The following UQCC1 variants were observed in gnomAD, a reference collection of about 807,000 sequenced individuals.
The protein encoded by UQCC1 is ubiquinol-cytochrome c reductase complex assembly factor 1.
Under a neutral mutation model 48.0 loss-of-function variants are expected in UQCC1, and 38 were observed. The ratio of observed to expected loss-of-function variants is 0.79; its 90% confidence interval spans 0.61 to 1.04. UQCC1 has a LOEUF of 1.04. Among genes scored for constraint, UQCC1 ranks in the 50% least tolerant of loss-of-function variants. UQCC1 has a pLI of 0.00. For missense variants in UQCC1, 368 were observed against 381.8 expected (o/e 0.96, Z 0.30); for synonymous variants, 111 against 129.2 (o/e 0.86, Z 0.95).
chr20:35,339,465 T>C (rs1461692271), intron 7 of UQCC1, among the ~76,000 whole-genome samples: 3 of 152,100 alleles, frequency 2.0e-5, no homozygotes, highest in South Asian at 2.1e-4. Flanking sequence ...GAAGACCAGA[T>C]CAGACGGAAT....
chr20:35,396,502 A>C (rs1601017779), intron 1 of UQCC1, among the ~76,000 whole-genome samples: 1 of 151,988 alleles, frequency 6.6e-6, no homozygotes, highest in African/African-American at 2.4e-5. Flanking sequence ...ACACTGACTT[A>C]CTTACCTGAT....
At chr20:35,372,634 G>A (rs1233748540) in intron 5 of UQCC1, among the ~76,000 whole-genome samples, 1 of 152,216 alleles carries the variant, frequency 6.6e-6, no homozygotes, top group Non-Finnish European at 1.5e-5. Flanking sequence ...GGGAGACTAA[G>A]GCAGGTGGAT....
intron 7 of UQCC1, among the ~76,000 whole-genome samples, chr20:35,323,090 G>A (rs372785342): frequency 3.3e-5 from 5 of 151,976 alleles, no homozygotes; most frequent in East Asian, 1.9e-4. Flanking sequence ...CTTGTGATCC[G>A]CCTGCCTCAG....
chr20:35,309,761 G>C (rs1044102062), intron 8 of UQCC1, among the ~76,000 whole-genome samples: 1 of 152,154 alleles, frequency 6.6e-6, no homozygotes, highest in African/African-American at 2.4e-5. Flanking sequence ...TCTGATTAAG[G>C]GTTTAAAGTG....
At chr20:35,328,745 C>T (rs1458924340) in intron 7 of UQCC1, among the ~76,000 whole-genome samples, 5 of 152,198 alleles carry the variant, frequency 3.3e-5, no homozygotes, top group African/African-American at 7.2e-5. Context: ...TGGGGCTCAC[C>T]TACTCTCCTG....
At chr20:35,318,761 C>T (rs1180053174) in intron 7 of UQCC1, among the ~76,000 whole-genome samples, 1 of 152,254 alleles carries the variant, frequency 6.6e-6, no homozygotes, top group Non-Finnish European at 1.5e-5. Context: ...GGGCAAGTGA[C>T]AGCACCTTCC....
chr20:35,360,629 T>C (rs2061595029), intron 6 of UQCC1, among the ~76,000 whole-genome samples: 1 of 152,172 alleles, frequency 6.6e-6, no homozygotes, highest in Non-Finnish European at 1.5e-5. Flanking sequence ...CAATCCCATA[T>C]AGTCTGTTCT....
chr20:35,304,740 C>G (rs2060909925), intron 9 of UQCC1: 1 of 152,352 alleles, frequency 6.6e-6, no homozygotes, highest in African/African-American at 2.4e-5. Context: ...AAATGGTCAT[C>G]ATCCAGAGAA....
Position 35,394,079 on chromosome 20 carries a change from C to A in UQCC1, c.129+13G>T. The A allele has an allele frequency of 6.2e-7, 1 of 1,608,680 alleles. No homozygotes were observed. Among genetic ancestry groups the A allele is most frequent in the Non-Finnish European group, 8.5e-7 (1 of 1,175,284 alleles). On this transcript the variant is annotated intron_variant, in intron 2 of 9. Coordinates refer to ENST00000374385, the MANE Select transcript of UQCC1 (RefSeq NM_018244.5). ...AAGGTTTTCATACTAAGCAAAAGAA[C>A]AACAAATCTTACCTGGGAAGTGCGA...
intron 4 of UQCC1, among the ~76,000 whole-genome samples, chr20:35,380,291 C>A (rs570631038): frequency 1.3e-5 from 2 of 152,116 alleles, no homozygotes; most frequent in East Asian, 3.9e-4. Flanking sequence ...TTAAAAAATA[C>A]AACTTTAAAG....
chr20:35,381,505 G>C (rs1229586304), intron 4 of UQCC1, among the ~76,000 whole-genome samples: 2 of 152,198 alleles, frequency 1.3e-5, no homozygotes, highest in African/African-American at 4.8e-5. Flanking sequence ...ACTGGAAGCA[G>C]CAAGAGGTTG....
chr20:35,306,958 G>C, intron 8 of UQCC1, 179 bp from the exon 9 acceptor site: 1 of 654,214 alleles, frequency 1.5e-6, no homozygotes, highest in Non-Finnish European at 2.8e-6. Flanking sequence ...AGGGTATCTG[G>C]CCCAATCCCT....
intron 7 of UQCC1, among the ~76,000 whole-genome samples, chr20:35,315,851 A>G (rs1319157338): frequency 6.6e-6 from 1 of 152,178 alleles, no homozygotes; most frequent in Non-Finnish European, 1.5e-5. Flanking sequence ...GCGCCACTGC[A>G]CTCCAGCCTG....
chr20:35,321,107 T>G (rs1353356011), intron 7 of UQCC1, among the ~76,000 whole-genome samples: 1 of 150,934 alleles, frequency 6.6e-6, no homozygotes, highest in African/African-American at 2.4e-5. Flanking sequence ...TGTGAGATAC[T>G]TAGAAACAGA....
chr20:35,347,398 T>A, intron 6 of UQCC1, 126 bp from the exon 7 acceptor site: 2 of 751,310 alleles, frequency 2.7e-6, no homozygotes, highest in Non-Finnish European at 4.0e-6. Flanking sequence ...GGAAGTGAAC[T>A]TTTTTTTTTT....
At chr20:35,304,352 C>T (rs1475420957) in intron 9 of UQCC1, among the ~76,000 whole-genome samples, 1 of 152,118 alleles carries the variant, frequency 6.6e-6, no homozygotes, top group Non-Finnish European at 1.5e-5. Flanking sequence ...CAGACACACA[C>T]CTCCCAAGGA....
At chr20:35,335,478 A>T (rs2061305626) in intron 7 of UQCC1, among the ~76,000 whole-genome samples, 1 of 152,244 alleles carries the variant, frequency 6.6e-6, no homozygotes. Flanking sequence ...TAAAAAGAAG[A>T]AAAAAGACAA....
intron 6 of UQCC1, among the ~76,000 whole-genome samples, chr20:35,359,620 A>AGTTT (rs2061584033): frequency 6.6e-6 from 1 of 152,100 alleles, no homozygotes; most frequent in African/African-American, 2.4e-5. Flanking sequence ...CCCACATGAT[A>AGTTT]GTTTATAAGC....
At chr20:35,329,813 C>T (rs577374632) in intron 7 of UQCC1, among the ~76,000 whole-genome samples, 2 of 152,294 alleles carry the variant, frequency 1.3e-5, no homozygotes, top group Non-Finnish European at 2.9e-5. Flanking sequence ...CATAGTCAAC[C>T]CCAAGAGCTC....
Sources: allele counts gnomAD v4.1 joint callset (sites outside exome capture counted in the v4.1 genomes callset), GRCh38; gene constraint gnomAD v4.1.1; transcripts MANE v1.5; gene names NCBI Gene and HGNC (gene_info 2026-07-23, HGNC 2026-07-21).